The following REPS1 variants were observed in gnomAD, a reference collection of about 807,000 sequenced individuals.
The protein encoded by REPS1 is ralBP1-associated Eps domain-containing protein 1.
In REPS1, 39 loss-of-function variants were observed where a neutral mutation model predicts 100.9. The observed-to-expected ratio is 0.39, with a 90% confidence interval of 0.30 to 0.50. The LOEUF is 0.50. REPS1 is among the 20% of genes least tolerant of loss of function. The pLI, the probability that REPS1 is intolerant of heterozygous loss-of-function variation, is 0.86. For missense variants in REPS1, 821 were observed against 968.5 expected (o/e 0.85, Z 2.02); for synonymous variants, 324 against 340.3 (o/e 0.95, Z 0.53).
intron 15 of REPS1, 148 bp from the exon 16 acceptor site, chr6:138,913,098 A>G (rs1780119501): frequency 1.8e-6 from 1 of 561,624 alleles, no homozygotes; most frequent in South Asian, 3.5e-5. Flanking sequence ...AGTAACATTT[A>G]GCTCTAAAGA....
At chr6:138,951,779 T>C (rs543913492) in intron 1 of REPS1, among the ~76,000 whole-genome samples, 25 of 152,348 alleles carry the variant, frequency 1.6e-4, no homozygotes, top group Admixed American at 4.6e-4. Context: ...ATCTCTAAGA[T>C]TTGATAATTT....
chr6:138,987,723 A>G lies in REPS1; in HGVS notation c.-41T>C. 1 of 1,476,430 alleles carries G rather than the reference A, an allele frequency of 6.8e-7. No homozygotes were observed. The highest frequency in any genetic ancestry group is 9.0e-7 in the Non-Finnish European group (1 of 1,108,584). 91.5% of individuals were successfully genotyped at this position (1,476,430 alleles called of 1,614,324 possible). On this transcript the variant is annotated 5_prime_UTR_variant, in exon 1 of 20. Transcript: ENST00000450536. ...ACGGCCGCCCCGCCCCGCATGCACT[A>G]CTCGGGGCCCGGCCCCAGGAACCTG...
intron 1 of REPS1, among the ~76,000 whole-genome samples, chr6:138,979,354 G>A (rs1784804585): frequency 6.6e-6 from 1 of 151,924 alleles, no homozygotes; most frequent in South Asian, 2.1e-4. Flanking sequence ...CACTCAAAAA[G>A]AAACAAACAA....
In REPS1 at chr6:138,903,807, T is replaced by A. The variant is rs538347229; in HGVS notation, c.*1257A>T. Reference sequence around the variant, plus strand: ...CAGCTGATGTATATTTTTACCTAGATATTGTCAGGTAAAAATTGTATTAAT... The same window carrying A: ...CAGCTGATGTATATTTTTACCTAGAAATTGTCAGGTAAAAATTGTATTAAT... On this transcript the variant is annotated 3_prime_UTR_variant, in exon 20 of 20. Transcript: ENST00000450536. The A allele has an allele frequency of 6.6e-6, 1 of 152,334 alleles. No homozygotes were observed. Among genetic ancestry groups the A allele is most frequent in the Non-Finnish European group, 1.5e-5 (1 of 68,024 alleles). The allele number at this position is 152,334 out of a possible 1,614,324, so 9.4% of individuals were successfully genotyped here.
chr6:138,958,845 A>G (rs1482016116), intron 1 of REPS1, among the ~76,000 whole-genome samples: 1 of 152,220 alleles, frequency 6.6e-6, no homozygotes, highest in Non-Finnish European at 1.5e-5. Flanking sequence ...GCTTAAAAAC[A>G]GAAATGAGTT....
At chr6:138,928,586 C>T (rs1367532299) in intron 9 of REPS1, 1 of 152,096 alleles carries the variant, frequency 6.6e-6, no homozygotes, top group African/African-American at 2.4e-5. Context: ...GCAAGTACTA[C>T]TACCTGAATT....
intron 1 of REPS1, 115 bp from the exon 2 acceptor site, chr6:138,948,028 A>G (rs1221976534): frequency 3.5e-6 from 3 of 853,304 alleles, no homozygotes; most frequent in Admixed American, 3.8e-5. Flanking sequence ...TAGATGGTAT[A>G]ATACTCACAA....
intron 8 of REPS1, among the ~76,000 whole-genome samples, chr6:138,938,692 A>C (rs1032309948): frequency 1.3e-5 from 2 of 152,180 alleles, no homozygotes; most frequent in Non-Finnish European, 2.9e-5. Flanking sequence ...CATGTAGAAA[A>C]TGCTATGAGA....
intron 8 of REPS1, chr6:138,934,432 C>G (rs776331478): frequency 6.8e-6 from 3 of 439,422 alleles, no homozygotes; most frequent in Middle Eastern, 3.4e-4. Flanking sequence ...AAAGAGACAA[C>G]CCAGTATGAT....
At chr6:138,935,856 C>CGGGGGGGGGGGGGGGGGGGGGGG (rs1449985583) in intron 8 of REPS1, among the ~76,000 whole-genome samples, 1 of 2,196 alleles carries the variant, frequency 4.6e-4, no homozygotes, top group African/African-American at 8.3e-4. Context: ...TCCATCTTGG[C>CGGGGGGGGGGGGGGGGGGGGGGG]GGGGGGGGGG....
chr6:138,970,848 A>G (rs943236477), intron 1 of REPS1, among the ~76,000 whole-genome samples: 1 of 152,204 alleles, frequency 6.6e-6, no homozygotes, highest in Non-Finnish European at 1.5e-5. Context: ...GCCAGGGTAC[A>G]GGCAGTAGAG....
intron 18 of REPS1, 131 bp downstream of exon 18, chr6:138,908,537 T>G: frequency 2.2e-6 from 2 of 906,792 alleles, no homozygotes; most frequent in Non-Finnish European, 3.5e-6. Flanking sequence ...ACAAATGATC[T>G]GCCCAGCTCA....
intron 1 of REPS1, among the ~76,000 whole-genome samples, chr6:138,953,847 T>C (rs1783199687): frequency 6.6e-6 from 1 of 152,162 alleles, no homozygotes; most frequent in Non-Finnish European, 1.5e-5. Flanking sequence ...ACTGAGAATT[T>C]ATCCAAGGAA....
At chr6:138,923,335 C>T (rs1421838545) in intron 10 of REPS1, among the ~76,000 whole-genome samples, 1 of 151,966 alleles carries the variant, frequency 6.6e-6, no homozygotes, top group African/African-American at 2.4e-5. Context: ...AATGATAGTT[C>T]ATGAGAAAAT....
intron 14 of REPS1, 85 bp from the exon 15 acceptor site, chr6:138,914,846 A>C: frequency 9.0e-7 from 1 of 1,110,946 alleles, no homozygotes. Context: ...ATGTGACTAC[A>C]TGATAAAGAT....
intron 12 of REPS1, among the ~76,000 whole-genome samples, chr6:138,919,361 T>C (rs1350983754): frequency 6.6e-6 from 1 of 152,196 alleles, no homozygotes; most frequent in African/African-American, 2.4e-5. Context: ...TGTCCTGTTT[T>C]GTCTCGCCTT....
intron 1 of REPS1, among the ~76,000 whole-genome samples, chr6:138,977,769 G>A (rs773273653): frequency 6.6e-6 from 1 of 152,172 alleles, no homozygotes; most frequent in South Asian, 2.1e-4. Context: ...ATTCCTAAGA[G>A]TGGAACTGCT....
chr6:138,939,390 G>C (rs1782079820), intron 8 of REPS1, among the ~76,000 whole-genome samples: 1 of 152,078 alleles, frequency 6.6e-6, no homozygotes, highest in Non-Finnish European at 1.5e-5. Context: ...GATCTAACAG[G>C]TGTAAAATTA....
chr6:138,930,702 C>T (rs1781434505), intron 8 of REPS1, among the ~76,000 whole-genome samples: 1 of 152,036 alleles, frequency 6.6e-6, no homozygotes, highest in Non-Finnish European at 1.5e-5. Context: ...CATATATCCT[C>T]TACAAATCTC....
Sources: allele counts gnomAD v4.1 joint callset (sites outside exome capture counted in the v4.1 genomes callset), GRCh38; gene constraint gnomAD v4.1.1; transcripts MANE v1.5; gene names NCBI Gene and HGNC (gene_info 2026-07-23, HGNC 2026-07-21).